The following STARD13 variants were observed in gnomAD, a reference collection of about 807,000 sequenced individuals.
STARD13 encodes the protein StAR related lipid transfer domain containing 13.
A neutral mutation model predicts 106.4 loss-of-function variants in STARD13; 62 were observed. That is an observed-to-expected ratio of 0.58 (90% CI 0.48 to 0.72). STARD13 has a LOEUF of 0.72. STARD13 is among the 30% of genes least tolerant of loss of function. The probability of loss-of-function intolerance (pLI) is 0.00; values close to 1 mark genes in which losing one functional copy is unlikely to be tolerated. For synonymous variants in STARD13, 565 were observed against 553.0 expected, an observed-to-expected ratio of 1.02 and a Z score of -0.31; for missense variants, 1,387 against 1,424.0, an observed-to-expected ratio of 0.97 and a Z score of 0.42.
chr13:33,519,071 A>G, the STARD13 span, among the ~76,000 whole-genome samples: 3 of 151,960 alleles, frequency 2.0e-5, no homozygotes, highest in Non-Finnish European at 4.4e-5. Flanking sequence ...GCCCCTCAAT[A>G]TCTGATCAGA....
chr13:33,293,187 T>A (rs926416647), intron 1 of STARD13, among the ~76,000 whole-genome samples: 6 of 152,170 alleles, frequency 3.9e-5, no homozygotes, highest in Non-Finnish European at 8.8e-5. Flanking sequence ...AATTTATAAT[T>A]ACATATGTAT....
the STARD13 span, among the ~76,000 whole-genome samples, chr13:33,558,197 A>G: frequency 3.9e-5 from 6 of 152,340 alleles, no homozygotes; most frequent in African/African-American, 1.2e-4. Flanking sequence ...CTTTCTTTCC[A>G]TCACTTGCTT....
At chr13:33,501,770 G>T in the STARD13 span, among the ~76,000 whole-genome samples, 1 of 152,194 alleles carries the variant, frequency 6.6e-6, no homozygotes, top group African/African-American at 2.4e-5. Flanking sequence ...ATGCTGTTTT[G>T]GTTACTGTAG....
At chr13:33,511,516 G>C in the STARD13 span, 2 of 152,196 alleles carry the variant, frequency 1.3e-5, no homozygotes, top group African/African-American at 2.4e-5. Context: ...GTGATGATGA[G>C]AGCCAACCAT....
chr13:33,443,459 C>CA, the STARD13 span, among the ~76,000 whole-genome samples: 1 of 145,164 alleles, frequency 6.9e-6, no homozygotes, highest in South Asian at 2.2e-4. Context: ...GTCCCCCCCC[C>CA]AAAAAAAAAA....
chr13:33,531,800 T>C, the STARD13 span, among the ~76,000 whole-genome samples: 1 of 152,234 alleles, frequency 6.6e-6, no homozygotes, highest in East Asian at 1.9e-4. Flanking sequence ...TACATCTGTA[T>C]CTTTTTTCTT....
At chr13:33,328,041 G>A (rs2077796835) in intron 1 of STARD13, among the ~76,000 whole-genome samples, 1 of 152,148 alleles carries the variant, frequency 6.6e-6, no homozygotes, top group South Asian at 2.1e-4. Flanking sequence ...TCTTATTTTG[G>A]CTTAATCATA....
chr13:33,323,561 C>T (rs1204472913), intron 1 of STARD13, among the ~76,000 whole-genome samples: 1 of 152,138 alleles, frequency 6.6e-6, no homozygotes, highest in Non-Finnish European at 1.5e-5. Flanking sequence ...AAGTGACTTG[C>T]CCAAAAAAGA....
At chr13:33,568,599 G>A in the STARD13 span, among the ~76,000 whole-genome samples, 2 of 147,788 alleles carry the variant, frequency 1.4e-5, no homozygotes, top group African/African-American at 2.5e-5. Context: ...TAGGGCTTCT[G>A]CCTGCCATTG....
At chr13:33,446,196 T>C in the STARD13 span, among the ~76,000 whole-genome samples, 1 of 152,210 alleles carries the variant, frequency 6.6e-6, no homozygotes, top group Non-Finnish European at 1.5e-5. Flanking sequence ...ATTCTCACTA[T>C]TCCCTTTAAA....
intron 1 of STARD13, among the ~76,000 whole-genome samples, chr13:33,201,058 A>AACAAAT (rs915656504): frequency 6.0e-5 from 9 of 150,744 alleles, no homozygotes; most frequent in Non-Finnish European, 1.3e-4. Flanking sequence ...CAAATAAATA[A>AACAAAT]ACAAATAAAA....
chr13:33,641,475 G>C, the STARD13 span, among the ~76,000 whole-genome samples: 1 of 152,190 alleles, frequency 6.6e-6, no homozygotes, highest in Admixed American at 6.5e-5. Context: ...CTGGGAATGA[G>C]AGTTCTGGTT....
chr13:33,338,986 C>T (rs2077929440), intron 1 of STARD13, among the ~76,000 whole-genome samples: 2 of 151,894 alleles, frequency 1.3e-5, no homozygotes, highest in Non-Finnish European at 2.9e-5. Context: ...AAAGGATCTC[C>T]TTTATCAGGA....
the STARD13 span, among the ~76,000 whole-genome samples, chr13:33,367,554 C>T: frequency 6.6e-6 from 1 of 151,958 alleles, no homozygotes; most frequent in African/African-American, 2.4e-5. Context: ...TAAAACATAC[C>T]TCATGTATTA....
chr13:33,426,913 TCTC>T, the STARD13 span, among the ~76,000 whole-genome samples: 1 of 152,156 alleles, frequency 6.6e-6, no homozygotes, highest in Non-Finnish European at 1.5e-5. Context: ...TACCTTGGCT[TCTC>T]CTTCTATTCT....
chr13:33,195,177 A>C (rs1380593142), intron 1 of STARD13, among the ~76,000 whole-genome samples: 2 of 152,236 alleles, frequency 1.3e-5, no homozygotes, highest in Non-Finnish European at 2.9e-5. Context: ...TAAAATGCCT[A>C]ATCTGCCACT....
chr13:33,597,782 A>G, the STARD13 span, among the ~76,000 whole-genome samples: 6 of 151,774 alleles, frequency 4.0e-5, no homozygotes, highest in Non-Finnish European at 8.8e-5. Context: ...TGAATCTGGG[A>G]GGCAGAGGTT....
chr13:33,634,692 C>T, the STARD13 span, among the ~76,000 whole-genome samples: 4,831 of 151,330 alleles, frequency 0.032, 91 homozygotes, highest in African/African-American at 0.055. Context: ...TGATAAACAC[C>T]GCCCTGCCCC....
the STARD13 span, among the ~76,000 whole-genome samples, chr13:33,482,986 T>G: frequency 1.3e-5 from 2 of 152,212 alleles, no homozygotes; most frequent in African/African-American, 4.8e-5. Flanking sequence ...TTGCATTGAT[T>G]TGGGGACACC....
Sources: allele counts gnomAD v4.1 joint callset (sites outside exome capture counted in the v4.1 genomes callset), GRCh38; gene constraint gnomAD v4.1.1; transcripts MANE v1.5; gene names NCBI Gene and HGNC (gene_info 2026-07-23, HGNC 2026-07-21).